Variants in IGSF10 observed in about 807,000 individuals in gnomAD.
IGSF10 encodes the protein immunoglobulin superfamily member 10.
In IGSF10, 126 loss-of-function variants were observed where a neutral mutation model predicts 128.2. The ratio of observed to expected loss-of-function variants is 0.98; its 90% CI spans 0.85 to 1.14. The LOEUF is 1.14. Among genes scored for constraint, IGSF10 ranks in the 50% most tolerant of loss-of-function variants. IGSF10 has a pLI of 0.00. For synonymous variants in IGSF10, 1,185 were observed against 1,146.2 expected (o/e 1.03, Z -0.68); for missense variants, 3,295 against 3,149.8 (o/e 1.05, Z -1.10).
chr3:151,437,940 A>G lies in IGSF10; in HGVS notation c.6621T>C (p.Asp2207=). 6.2e-7 allele frequency: 1 copy of G among 1,614,226 alleles called. No homozygotes were observed. Among genetic ancestry groups the G allele is most frequent in the South Asian group, 1.1e-5 (1 of 91,080 alleles). Residue 2207 remains aspartate (D), a synonymous_variant, in exon 8 of 8, where the codon GAT becomes GAC. Transcript: ENST00000282466. ...GGGCTACACATACGTACTCTCCAGAATCGAGCAGTTTCACTTTGTTGATGG... is the reference window on the plus strand; with the variant it reads ...GGGCTACACATACGTACTCTCCAGAGTCGAGCAGTTTCACTTTGTTGATGG... The part of the protein sequence containing the change: ...SLTINKVKLL[D]SGEYVCVARN...
At chr3:151,571,304 C>T in the IGSF10 span, among the ~76,000 whole-genome samples, 12 of 152,152 alleles carry the variant, frequency 7.9e-5, no homozygotes, top group Non-Finnish European at 1.5e-5. Context: ...GGCATTGAAT[C>T]TATAAATTAC....
At chr3:151,529,397 G>C in the IGSF10 span, among the ~76,000 whole-genome samples, 1 of 152,210 alleles carries the variant, frequency 6.6e-6, no homozygotes, top group African/African-American at 2.4e-5. Context: ...GCTGACCCCT[G>C]TATATCTTGA....
chr3:151,610,812 G>A, the IGSF10 span, among the ~76,000 whole-genome samples: 1 of 152,286 alleles, frequency 6.6e-6, no homozygotes, highest in East Asian at 1.9e-4. Flanking sequence ...GTGAGACACA[G>A]AGAAAATGGG....
chr3:151,591,841 A>G, the IGSF10 span, among the ~76,000 whole-genome samples: 1 of 152,158 alleles, frequency 6.6e-6, no homozygotes, highest in Non-Finnish European at 1.5e-5. Flanking sequence ...TGAAAGATGC[A>G]AAAATCCTGG....
the IGSF10 span, among the ~76,000 whole-genome samples, chr3:151,591,354 GT>G: frequency 2.3e-3 from 334 of 145,094 alleles, 2 homozygotes; most frequent in African/African-American, 7.9e-3. Context: ...TTAAAATTTT[GT>G]TGTATTTGAT....
At chr3:151,587,433 G>T in the IGSF10 span, among the ~76,000 whole-genome samples, 4 of 152,122 alleles carry the variant, frequency 2.6e-5, no homozygotes, top group African/African-American at 4.8e-5. Context: ...GTGATGTTTT[G>T]ATTTATTTTT....
At chr3:151,518,331 ATCT>A in the IGSF10 span, among the ~76,000 whole-genome samples, 6 of 151,964 alleles carry the variant, frequency 3.9e-5, no homozygotes, top group African/African-American at 9.7e-5. Flanking sequence ...CTGTCCAGAA[ATCT>A]TCTTCCACCA....
In IGSF10 at chr3:151,446,120, C is replaced by T. The variant is rs141179179; in HGVS notation, c.3861G>A (p.Lys1287=). 5.0e-5 allele frequency: 80 copies of T among 1,614,100 alleles called. No homozygotes were observed. In the African/African-American group the frequency reaches 9.7e-4, roughly 20 times the overall value. ...GGTTAAGGGGTGGGAAGGGAAGCTC[C>T]TTCTTTGTTGGAAGACTTCCAGGAT... ...THNPGSLPTK[K]ELPFPPLNPM... The change falls in exon 6 of 8, where the codon AAG becomes AAA. Residue 1287 remains lysine, a synonymous_variant. Transcript: ENST00000282466.
At chr3:151,516,939 A>G in the IGSF10 span, among the ~76,000 whole-genome samples, 15 of 151,962 alleles carry the variant, frequency 9.9e-5, no homozygotes, top group African/African-American at 3.6e-4. Context: ...AAATATGGAT[A>G]TAATTCTGAT....
At chr3:151,523,067 T>C in the IGSF10 span, among the ~76,000 whole-genome samples, 5 of 152,148 alleles carry the variant, frequency 3.3e-5, no homozygotes, top group African/African-American at 1.2e-4. Context: ...CCATTCACAA[T>C]AGCCACAAAA....
chr3:151,531,732 G>A, the IGSF10 span, among the ~76,000 whole-genome samples: 9 of 152,120 alleles, frequency 5.9e-5, no homozygotes, highest in South Asian at 2.1e-4. Flanking sequence ...GAGAAAGCAG[G>A]AAAGTTCTAA....
the IGSF10 span, among the ~76,000 whole-genome samples, chr3:151,587,928 G>A: frequency 6.6e-6 from 1 of 152,218 alleles, no homozygotes; most frequent in Non-Finnish European, 1.5e-5. Context: ...CAGCCACATG[G>A]AACTGTAAGT....
the IGSF10 span, among the ~76,000 whole-genome samples, chr3:151,501,221 T>C: frequency 1.7e-4 from 26 of 152,198 alleles, no homozygotes; most frequent in African/African-American, 6.0e-4. Context: ...ATTTTTCTTT[T>C]TAAGTTTGCC....
chr3:151,500,723 T>A, the IGSF10 span, among the ~76,000 whole-genome samples: 3 of 152,254 alleles, frequency 2.0e-5, no homozygotes, highest in South Asian at 6.2e-4. Context: ...CCGATATTAC[T>A]TGTCCATCAC....
Position 151,446,473 on chromosome 3 carries a change from C to T in IGSF10, c.3508G>A (p.Glu1170Lys), listed in dbSNP as rs748936388. The change falls in exon 6 of 8, where the codon GAA becomes AAA. Residue 1170 changes from glutamate (E) to lysine (K), a missense_variant. Glu to Lys is a moderately conservative substitution (Grantham distance 56, BLOSUM62 1). Coordinates refer to ENST00000282466, the MANE Select transcript of IGSF10 (RefSeq NM_178822.5). ...GTAATCACTGAATCTCTTTTAGCTT[C>T]ATTGGTGCTAGACACACGTGGGTAA... The part of the protein sequence containing the change: ...ASYPRVSSTN[E>K]AKRDSVITSS... 5 of 1,614,172 alleles carry T rather than the reference C, an allele frequency of 3.1e-6. No individual in the cohort carries two copies. The highest frequency in any genetic ancestry group is 1.1e-5 in the South Asian group (1 of 91,080).
chr3:151,467,536 G>A, the IGSF10 span, among the ~76,000 whole-genome samples: 11 of 152,146 alleles, frequency 7.2e-5, no homozygotes, highest in Non-Finnish European at 1.3e-4. Flanking sequence ...CAAACCTGAG[G>A]AGGGTATTAA....
At chr3:151,507,818 A>T in the IGSF10 span, among the ~76,000 whole-genome samples, 5 of 152,364 alleles carry the variant, frequency 3.3e-5, no homozygotes, top group African/African-American at 1.2e-4. Flanking sequence ...GTTAAATCAT[A>T]TTAAATATTA....
chr3:151,481,939 A>AG, the IGSF10 span, among the ~76,000 whole-genome samples: 1 of 152,210 alleles, frequency 6.6e-6, no homozygotes, highest in Non-Finnish European at 1.5e-5. Context: ...GCTAACATTG[A>AG]TCACAGCCAA....
At chr3:151,596,723 C>T in the IGSF10 span, among the ~76,000 whole-genome samples, 4 of 152,124 alleles carry the variant, frequency 2.6e-5, no homozygotes, top group Admixed American at 6.5e-5. Flanking sequence ...GTTTTCTCTC[C>T]CTCACCAGAA....
Sources: gnomAD v4.1 joint callset for allele counts (sites outside exome capture counted in the v4.1 genomes callset) on GRCh38, gnomAD v4.1.1 for gene constraint, MANE v1.5 for transcripts, NCBI Gene and HGNC (gene_info 2026-07-23, HGNC 2026-07-21) for gene names.